The following NTRK3 variants were observed in gnomAD, a reference collection of about 807,000 sequenced individuals.
NTRK3 encodes neurotrophic receptor tyrosine kinase 3.
Under a neutral mutation model 91.7 loss-of-function variants are expected in NTRK3, and 24 were observed. The observed-to-expected ratio is 0.26, with a 90% CI of 0.19 to 0.37. NTRK3 has a LOEUF of 0.37. Among genes scored for constraint, NTRK3 ranks in the 10% least tolerant of loss-of-function variants. The pLI, the probability that NTRK3 is intolerant of heterozygous loss-of-function variation, is 1.00. For synonymous variants in NTRK3, 483 were observed against 404.0 expected (o/e 1.20, Z -2.34); for missense variants, 880 against 1,068.9 (o/e 0.82, Z 2.46).
At chr15:88,010,329 C>G (rs2076786449) in intron 14 of NTRK3, among the ~76,000 whole-genome samples, 1 of 152,178 alleles carries the variant, frequency 6.6e-6, no homozygotes, top group Non-Finnish European at 1.5e-5. Flanking sequence ...AGTCCAGGGT[C>G]CTGGCTTGGA....
chr15:88,004,035 C>A (rs1033495534), intron 14 of NTRK3, among the ~76,000 whole-genome samples: 1 of 152,146 alleles, frequency 6.6e-6, no homozygotes, highest in Non-Finnish European at 1.5e-5. Flanking sequence ...CTCTCTTGGT[C>A]TAACTGGCTT....
chr15:88,158,842 G>C (rs2044166913), intron 5 of NTRK3, among the ~76,000 whole-genome samples: 1 of 152,146 alleles, frequency 6.6e-6, no homozygotes, highest in Non-Finnish European at 1.5e-5. Context: ...CACATGATGT[G>C]CTGATGTGCC....
At chr15:88,072,609 AAC>A (rs2047189216) in intron 13 of NTRK3, 1 of 232,566 alleles carries the variant, frequency 4.3e-6, no homozygotes, top group African/African-American at 2.2e-5. Context: ...TCTAGAAATA[AAC>A]ACAGTTTATT....
chr15:88,069,590 G>A (rs999670340), intron 13 of NTRK3, among the ~76,000 whole-genome samples: 3 of 152,186 alleles, frequency 2.0e-5, no homozygotes, highest in African/African-American at 7.2e-5. Flanking sequence ...ATGCTAAGGA[G>A]CAAGAAGCAG....
At chr15:87,968,211 T>C (rs2072955055) in intron 14 of NTRK3, among the ~76,000 whole-genome samples, 1 of 152,242 alleles carries the variant, frequency 6.6e-6, no homozygotes, top group African/African-American at 2.4e-5. Context: ...TTTTAAATTA[T>C]ACTCAGTTTT....
intron 3 of NTRK3, among the ~76,000 whole-genome samples, chr15:88,222,618 A>C (rs926671915): frequency 1.3e-4 from 20 of 152,210 alleles, no homozygotes; most frequent in Non-Finnish European, 2.6e-4. Flanking sequence ...ACTGAGGCAC[A>C]TAGAGCTCAA....
At chr15:87,875,201 A>G (rs533298252) in exon 19 of NTRK3, 1 of 230,690 alleles carries the variant, frequency 4.3e-6, no homozygotes, top group South Asian at 1.8e-4. Flanking sequence ...GGCCCCCGGG[A>G]GGTGAGCTCC....
intron 14 of NTRK3, among the ~76,000 whole-genome samples, chr15:88,024,993 C>A (rs1050820470): frequency 1.3e-5 from 2 of 152,188 alleles, no homozygotes; most frequent in African/African-American, 4.8e-5. Flanking sequence ...TCATCAGTTA[C>A]CGGTATACTT....
In NTRK3 at chr15:88,134,628, C is replaced by T. The variant is rs142089687; in HGVS notation, c.1204+473G>A. ...ACTGGACACACTCTCAAGTCCTTTG[C>T]AATGGGAAATCCCGGAACCATCATC... On this transcript the variant is annotated intron_variant, in intron 10 of 18. Coordinates refer to ENST00000394480, the Ensembl canonical transcript of NTRK3. Among the ~76,000 whole-genome samples the T allele has an allele frequency of 3.3e-3, 505 of 152,326 alleles. 4 individuals carry two copies. The highest frequency in any genetic ancestry group is 0.012 in the African/African-American group (480 of 41,562).
intron 13 of NTRK3, among the ~76,000 whole-genome samples, chr15:88,060,859 A>G (rs2046153492): frequency 6.6e-6 from 1 of 152,160 alleles, no homozygotes; most frequent in African/African-American, 2.4e-5. Flanking sequence ...AGCCATTGGT[A>G]TCATCTTAAA....
intron 13 of NTRK3, among the ~76,000 whole-genome samples, chr15:88,110,131 G>A (rs561621391): frequency 2.8e-4 from 43 of 152,230 alleles, no homozygotes; most frequent in African/African-American, 9.9e-4. Context: ...AAATTTTAAT[G>A]AGCCCCAGTA....
chr15:88,218,141 T>A (rs1018885159), intron 3 of NTRK3, among the ~76,000 whole-genome samples: 2 of 152,198 alleles, frequency 1.3e-5, no homozygotes, highest in Non-Finnish European at 2.9e-5. Context: ...AAACCATTTC[T>A]AGTCTAGCCT....
chr15:88,206,278 G>A (rs1316646538), intron 3 of NTRK3, among the ~76,000 whole-genome samples: 7 of 150,354 alleles, frequency 4.7e-5, no homozygotes, highest in East Asian at 4.0e-4. Flanking sequence ...CCCGGGGGGC[G>A]GAGCCTGCAG....
chr15:88,210,278 G>C (rs1486206773), intron 3 of NTRK3, among the ~76,000 whole-genome samples: 1 of 152,170 alleles, frequency 6.6e-6, no homozygotes, highest in Non-Finnish European at 1.5e-5. Context: ...TGGCCTCCTG[G>C]AAGCACCAGG....
At chr15:88,113,347 A>G (rs747176167) in intron 13 of NTRK3, among the ~76,000 whole-genome samples, 11 of 117,852 alleles carry the variant, frequency 9.3e-5, no homozygotes, top group Non-Finnish European at 1.6e-4. Context: ...ACAGAGTCTC[A>G]CTCCATTGCC....
intron 13 of NTRK3, among the ~76,000 whole-genome samples, chr15:88,041,398 T>C: frequency 6.6e-6 from 1 of 152,144 alleles, no homozygotes; most frequent in East Asian, 1.9e-4. Context: ...ATTTATTGAG[T>C]ATATCTAGGC....
chr15:87,947,892 G>C (rs1233205453), intron 14 of NTRK3, among the ~76,000 whole-genome samples: 1 of 152,066 alleles, frequency 6.6e-6, no homozygotes, highest in Non-Finnish European at 1.5e-5. Context: ...TCCAACTCTG[G>C]GTGTTTGAAG....
In NTRK3 at chr15:87,894,345, C is replaced by T. The variant is rs16940982; in HGVS notation, c.2134-13917G>A. Among the ~76,000 whole-genome samples, 88 of 152,320 alleles carry T rather than the reference C, an allele frequency of 5.8e-4. No individual in the cohort carries two copies. In the East Asian group the frequency reaches 0.015, roughly 25 times the overall value. The stretch of plus-strand genomic sequence containing the variant: ...TCCAGAGGGTTTGGGAATTCACTTG[C>T]ATGGCTGCACATAATGGGTTAGCTA... On this transcript the variant is annotated intron_variant, in intron 17 of 18. Transcript: ENST00000394480.
chr15:88,176,482 T>A (rs373932098), intron 5 of NTRK3, among the ~76,000 whole-genome samples: 1 of 152,106 alleles, frequency 6.6e-6, no homozygotes. Flanking sequence ...CTACCATACA[T>A]AGAAGTGTGA....
Sources: gnomAD v4.1 joint callset for allele counts (sites outside exome capture counted in the v4.1 genomes callset) on GRCh38, gnomAD v4.1.1 for gene constraint, MANE v1.5 for transcripts, NCBI Gene and HGNC (gene_info 2026-07-23, HGNC 2026-07-21) for gene names.